NINL: variants seen among roughly 807,000 people sequenced by gnomAD.
NINL encodes the protein ninein-like protein.
NINL carries 153 observed loss-of-function variants against 160.3 expected under a neutral mutation model. That is an observed-to-expected ratio of 0.95 (90% CI 0.84 to 1.09). The LOEUF is 1.09. NINL is among the 50% of genes least tolerant of loss of function. The pLI, the probability that NINL is intolerant of heterozygous loss-of-function variation, is 0.00. For missense variants in NINL, 1,829 were observed against 1,764.0 expected (o/e 1.04, Z -0.66); for synonymous variants, 800 against 734.8 (o/e 1.09, Z -1.43).
At chr20:25,517,520 G>A (rs2064182490) in intron 3 of NINL, among the ~76,000 whole-genome samples, 1 of 152,208 alleles carries the variant, frequency 6.6e-6, no homozygotes, top group Non-Finnish European at 1.5e-5. Flanking sequence ...TTAGCACAGT[G>A]CAGTGTCATC....
intron 1 of NINL, among the ~76,000 whole-genome samples, chr20:25,558,142 A>T (rs1394953651): frequency 6.6e-6 from 1 of 152,204 alleles, no homozygotes; most frequent in African/African-American, 2.4e-5. Flanking sequence ...CTCCATCTCA[A>T]AAACAAACGA....
intron 7 of NINL, among the ~76,000 whole-genome samples, chr20:25,502,173 G>C (rs2063882413): frequency 2.0e-5 from 3 of 151,994 alleles, no homozygotes; most frequent in Admixed American, 6.6e-5. Flanking sequence ...CTAGAGACAG[G>C]GTTTTACCAT....
rs762729377 is a variant in NINL at position 25,476,833 on chromosome 20, G to A, written c.2458C>T (p.Pro820Ser). 3.1e-6 allele frequency: 5 copies of A among 1,613,244 alleles called. No individual in the cohort carries two copies. Among genetic ancestry groups the A allele is most frequent in the Non-Finnish European group, 3.4e-6 (4 of 1,179,926 alleles). Residue 820 changes from proline to serine, a missense_variant, in exon 17 of 24, where the codon CCC becomes TCC. Pro to Ser is a moderately conservative substitution (Grantham distance 74, BLOSUM62 -1). Coordinates refer to ENST00000278886, the MANE Select transcript of NINL (RefSeq NM_025176.6). ...ELARGKRVDG[P>S]SLEAEMQALP... ...GCCTGCATCTCTGCTTCCAGGGAGG[G>A]CCCGTCCACTCGCTTCCCGCGGGCA...
chr20:25,459,582 C>T (rs753392842), intron 21 of NINL, among the ~76,000 whole-genome samples: 2 of 152,180 alleles, frequency 1.3e-5, no homozygotes, highest in African/African-American at 2.4e-5. Context: ...CCCAGGCCTG[C>T]GGGACTCCCA....
intron 1 of NINL, among the ~76,000 whole-genome samples, chr20:25,546,032 A>G (rs2104734): frequency 0.4 from 60,371 of 150,596 alleles, 13,270 homozygotes; most frequent in East Asian, 0.91. Flanking sequence ...CCCAGGATGG[A>G]GTGCAGTGTA....
At chr20:25,458,049 C>T (rs1318051824) in intron 22 of NINL, among the ~76,000 whole-genome samples, 2 of 152,192 alleles carry the variant, frequency 1.3e-5, no homozygotes, top group Non-Finnish European at 2.9e-5. Context: ...CTGTCACCCT[C>T]TGCTCTCTGC....
chr20:25,458,409 C>A lies in NINL; in HGVS notation c.3817G>T (p.Ala1273Ser). The A allele has an allele frequency of 6.2e-7, 1 of 1,606,746 alleles. No individual in the cohort carries two copies. The highest frequency in any genetic ancestry group is 8.5e-7 in the Non-Finnish European group (1 of 1,179,988). Residue 1273 changes from alanine to serine, a missense_variant, in exon 22 of 24, where the codon GCC becomes TCC. Coordinates refer to ENST00000278886, the MANE Select transcript of NINL (RefSeq NM_025176.6). ...CGCTGTGCATCCAGGCGCCTCCTGGCCTGCTCTCCCTGAAGGCTGAGCAGG... is the reference window on the plus strand; with the variant it reads ...CGCTGTGCATCCAGGCGCCTCCTGGACTGCTCTCCCTGAAGGCTGAGCAGG... Reference protein sequence around the residue: ...HRLLSLQGEQARRRLDAQREE... With the variant: ...HRLLSLQGEQSRRRLDAQREE...
At chr20:25,530,306 T>G (rs1204545849) in intron 1 of NINL, among the ~76,000 whole-genome samples, 2 of 152,166 alleles carry the variant, frequency 1.3e-5, no homozygotes, top group Non-Finnish European at 2.9e-5. Context: ...ACTGAACACA[T>G]TATTTTCCAA....
At chr20:25,571,306 G>T (rs1350564363) in intron 1 of NINL, among the ~76,000 whole-genome samples, 5 of 152,198 alleles carry the variant, frequency 3.3e-5, no homozygotes, top group Admixed American at 6.5e-5. Flanking sequence ...TTAAGAAAGG[G>T]TTTCCCTCCC....
intron 2 of NINL, among the ~76,000 whole-genome samples, chr20:25,524,931 GTATA>G (rs59291392): frequency 6.8e-6 from 1 of 146,468 alleles, no homozygotes. Context: ...ATATGTGTGT[GTATA>G]TATATATATA....
At chr20:25,534,231 C>A (rs574780061) in intron 1 of NINL, among the ~76,000 whole-genome samples, 44 of 152,176 alleles carry the variant, frequency 2.9e-4, no homozygotes, top group Non-Finnish European at 4.6e-4. Flanking sequence ...AGCTTTGTCT[C>A]TTTGCAGTCA....
At chr20:25,561,039 T>C (rs947297633) in intron 1 of NINL, among the ~76,000 whole-genome samples, 65 of 45,004 alleles carry the variant, frequency 1.4e-3, no homozygotes, top group African/African-American at 5.0e-3. Flanking sequence ...TCTCCCCTCC[T>C]CTCCCTCTCC....
At chr20:25,458,948 C>T in intron 21 of NINL, 1 of 165,108 alleles carries the variant, frequency 6.1e-6, no homozygotes, top group East Asian at 1.8e-4. Flanking sequence ...ACACGGACTG[C>T]TGAAGGGAAG....
intron 1 of NINL, among the ~76,000 whole-genome samples, chr20:25,561,484 C>G (rs889710825): frequency 6.6e-5 from 10 of 152,094 alleles, no homozygotes; most frequent in Admixed American, 3.3e-4. Flanking sequence ...GCGTCTCTGC[C>G]TGGCCGCCCA....
intron 1 of NINL, among the ~76,000 whole-genome samples, chr20:25,554,636 CAAA>C (rs747557892): frequency 0.11 from 9,831 of 85,596 alleles, 494 homozygotes; most frequent in South Asian, 0.25. Flanking sequence ...AAAAAAAAAA[CAAA>C]AAAAAAAAAA....
rs181761801 is a variant in NINL, at chr20:25,497,600, C to T, written c.1169+610G>A. On this transcript the variant is annotated intron_variant, in intron 9 of 23. Coordinates refer to ENST00000278886, the MANE Select transcript of NINL (RefSeq NM_025176.6). ...TCTTTTTGCAAATCTGCTTAGCAGA[C>T]GGATGGCCTGAATGGTCAGCCAAAC... Among the ~76,000 whole-genome samples the T allele has an allele frequency of 9.8e-5, 15 of 152,366 alleles. No individual in the cohort carries two copies. In the East Asian group the frequency reaches 2.3e-3, roughly 24 times the overall value.
chr20:25,455,902 G>A, intron 22 of NINL, 116 bp from the exon 23 acceptor site: 2 of 739,810 alleles, frequency 2.7e-6, no homozygotes, highest in South Asian at 3.0e-5. Flanking sequence ...AGACCAACCT[G>A]GCCAACATGG....
At chr20:25,455,604 C>T in intron 23 of NINL, 69 bp downstream of exon 23, 1 of 1,116,164 alleles carries the variant, frequency 9.0e-7, no homozygotes, top group South Asian at 1.3e-5. Flanking sequence ...TAGCTACCTG[C>T]ACACCCATAA....
chr20:25,496,889 A>G, intron 9 of NINL, 86 bp from the exon 10 acceptor site: 1 of 1,543,292 alleles, frequency 6.5e-7, no homozygotes. Flanking sequence ...CCATATCTGC[A>G]TCAATGATAG....
Sources: gnomAD v4.1 joint callset for allele counts (sites outside exome capture counted in the v4.1 genomes callset) on GRCh38, gnomAD v4.1.1 for gene constraint, MANE v1.5 for transcripts, NCBI Gene and HGNC (gene_info 2026-07-23, HGNC 2026-07-21) for gene names.